TCF12: variants seen among roughly 807,000 people sequenced by gnomAD.
TCF12 encodes transcription factor 12.
Under a neutral mutation model 86.0 loss-of-function variants are expected in TCF12, and 45 were observed. The observed-to-expected ratio is 0.52, with a 90% CI of 0.41 to 0.67. TCF12 has a LOEUF of 0.67. TCF12 is among the 30% of genes least tolerant of loss of function. The probability of loss-of-function intolerance (pLI) is 0.00; values close to 1 mark genes in which losing one functional copy is unlikely to be tolerated. For missense variants in TCF12, 881 were observed against 859.9 expected (o/e 1.02, Z -0.31); for synonymous variants, 330 against 299.6 (o/e 1.10, Z -1.05).
At chr15:57,044,754 A>C (rs1340288474) in intron 3 of TCF12, among the ~76,000 whole-genome samples, 1 of 152,016 alleles carries the variant, frequency 6.6e-6, no homozygotes, top group African/African-American at 2.4e-5. Flanking sequence ...TATTCTGCTT[A>C]GTAAGAATTC....
intron 3 of TCF12, among the ~76,000 whole-genome samples, chr15:56,968,990 C>A (rs1238606491): frequency 6.6e-6 from 1 of 152,208 alleles, no homozygotes; most frequent in African/African-American, 2.4e-5. Flanking sequence ...ACACTTTAGT[C>A]TGGCTCAGTT....
intron 5 of TCF12, among the ~76,000 whole-genome samples, chr15:57,165,496 G>C (rs560419284): frequency 1.3e-5 from 2 of 151,906 alleles, no homozygotes; most frequent in African/African-American, 4.8e-5. Context: ...TTATGATAAT[G>C]GTTATCCAGA....
intron 6 of TCF12, among the ~76,000 whole-genome samples, chr15:57,177,364 G>T (rs1338063441): frequency 6.6e-6 from 1 of 150,602 alleles, no homozygotes; most frequent in African/African-American, 2.5e-5. Flanking sequence ...CTGCCTCCCA[G>T]GTTCAAGCAG....
downstream of TCF12, among the ~76,000 whole-genome samples, chr15:57,290,341 CAAAAAAAA>C (rs149851542): frequency 2.9e-5 from 3 of 103,142 alleles, no homozygotes; most frequent in Non-Finnish European, 4.0e-5. Flanking sequence ...AAAACTGTCT[CAAAAAAAA>C]AAAAAAAAAA....
At chr15:57,093,201 A>C (rs1402889134) in intron 5 of TCF12, among the ~76,000 whole-genome samples, 1 of 152,244 alleles carries the variant, frequency 6.6e-6, no homozygotes, top group Non-Finnish European at 1.5e-5. Flanking sequence ...TTAGGTTTAC[A>C]ATAAATTATT....
chr15:57,195,895 T>G (rs2057240651), intron 7 of TCF12, among the ~76,000 whole-genome samples: 1 of 152,170 alleles, frequency 6.6e-6, no homozygotes. Context: ...GTCTAGCTAC[T>G]CAGGAGACCA....
chr15:57,220,346 TG>T (rs2058532630), intron 8 of TCF12, among the ~76,000 whole-genome samples: 1 of 152,194 alleles, frequency 6.6e-6, no homozygotes, highest in African/African-American at 2.4e-5. Context: ...TATGAAGCTC[TG>T]GTAATGATTA....
intron 3 of TCF12, among the ~76,000 whole-genome samples, chr15:56,990,003 AAAAAT>A (rs1233961847): frequency 3.3e-5 from 5 of 152,194 alleles, no homozygotes; most frequent in African/African-American, 1.2e-4. Flanking sequence ...TTAAAAGACA[AAAAAT>A]AAAGTAGTTA....
chr15:57,057,254 T>A (rs138845672), intron 3 of TCF12, among the ~76,000 whole-genome samples: 488 of 152,330 alleles, frequency 3.2e-3, no homozygotes, highest in African/African-American at 0.011. Context: ...TCTGGCCTTC[T>A]CCCTTTTGGG....
intron 5 of TCF12, among the ~76,000 whole-genome samples, chr15:57,114,862 T>C (rs1446620743): frequency 6.6e-6 from 1 of 152,210 alleles, no homozygotes; most frequent in Non-Finnish European, 1.5e-5. Context: ...GAAATATATA[T>C]TGAATACGTG....
chr15:57,170,737 A>AATATATATATTATATATAAC, intron 6 of TCF12, among the ~76,000 whole-genome samples: 1 of 24,842 alleles, frequency 4.0e-5, no homozygotes, highest in East Asian at 9.1e-4. Flanking sequence ...TATTATATAT[A>AATATATATATTATATATAAC]ATATATATTA....
chr15:57,058,755 T>C (rs1211372129), intron 3 of TCF12, among the ~76,000 whole-genome samples: 2 of 152,238 alleles, frequency 1.3e-5, no homozygotes, highest in African/African-American at 4.8e-5. Context: ...TTTTTACTAA[T>C]GTGTAGCATA....
intron 8 of TCF12, among the ~76,000 whole-genome samples, chr15:57,221,838 T>A (rs2058612725): frequency 6.6e-6 from 1 of 152,126 alleles, no homozygotes; most frequent in Non-Finnish European, 1.5e-5. Flanking sequence ...TCAGTTTTCT[T>A]CAATAAGAAA....
chr15:57,279,169 AT>A (rs2061565435), intron 19 of TCF12, among the ~76,000 whole-genome samples: 1 of 151,372 alleles, frequency 6.6e-6, no homozygotes, highest in Admixed American at 6.6e-5. Context: ...TAATTTTTAA[AT>A]TTTTGTAGAG....
At chr15:57,263,321 T>TAA (rs201261815) in intron 18 of TCF12, 47 bp downstream of exon 18, 1 of 1,570,302 alleles carries the variant, frequency 6.4e-7, no homozygotes. Flanking sequence ...TTTCCATAGG[T>TAA]AAACATACTT....
chr15:57,106,985 A>G (rs1420216091), intron 5 of TCF12, among the ~76,000 whole-genome samples: 1 of 152,272 alleles, frequency 6.6e-6, no homozygotes, highest in Non-Finnish European at 1.5e-5. Flanking sequence ...AAAATGGTAT[A>G]GTCACTTTGG....
At chr15:57,050,992 A>G (rs1413056023) in intron 3 of TCF12, among the ~76,000 whole-genome samples, 2 of 152,190 alleles carry the variant, frequency 1.3e-5, no homozygotes, top group African/African-American at 4.8e-5. Context: ...TCATCCTCGG[A>G]TATGTTGACT....
Position 57,232,275 on chromosome 15 carries a change from T to C in TCF12, c.686-16T>C. On this transcript the variant is annotated splice_polypyrimidine_tract_variant and intron_variant, in intron 9 of 20. Transcript: ENST00000333725. ...TTTTAGCTAAGGAAAATTTTATATT[T>C]CTCTTTTTGTCTTAGATGGGACCCA... 1 of 1,612,716 alleles carries C rather than the reference T, an allele frequency of 6.2e-7. No homozygotes were observed. The highest frequency in any genetic ancestry group is 8.5e-7 in the Non-Finnish European group (1 of 1,179,578).
chr15:57,000,843 C>G (rs1192134761), intron 3 of TCF12, among the ~76,000 whole-genome samples: 2 of 151,884 alleles, frequency 1.3e-5, no homozygotes, highest in Non-Finnish European at 2.9e-5. Flanking sequence ...GGCTTGGCTC[C>G]TATTTCTTCA....
Sources: allele counts gnomAD v4.1 joint callset (sites outside exome capture counted in the v4.1 genomes callset), GRCh38; gene constraint gnomAD v4.1.1; transcripts MANE v1.5; gene names NCBI Gene and HGNC (gene_info 2026-07-23, HGNC 2026-07-21).